FMN2: variants seen among roughly 807,000 people sequenced by gnomAD.
FMN2 encodes the protein formin 2.
FMN2 carries 51 observed loss-of-function variants against 142.3 expected under a neutral mutation model. The observed-to-expected ratio is 0.36, with a 90% CI of 0.29 to 0.45. FMN2 has a LOEUF of 0.45. Ranked by LOEUF, FMN2 falls within the 20% of genes least tolerant of loss-of-function variation. FMN2 has a pLI of 1.00. For missense variants in FMN2, 1,936 were observed against 2,122.8 expected, an observed-to-expected ratio of 0.91 and a Z score of 1.73; for synonymous variants, 882 against 869.8, an observed-to-expected ratio of 1.01 and a Z score of -0.25.
intron 8 of FMN2, among the ~76,000 whole-genome samples, chr1:240,317,099 A>T (rs1323208204): frequency 6.6e-6 from 1 of 152,070 alleles, no homozygotes; most frequent in Non-Finnish European, 1.5e-5. Context: ...GAGGTCTATC[A>T]CAAGGTCAAG....
intron 8 of FMN2, among the ~76,000 whole-genome samples, chr1:240,314,277 G>A (rs1454945619): frequency 1.3e-5 from 2 of 152,048 alleles, no homozygotes; most frequent in Admixed American, 6.5e-5. Context: ...GTTTTGGGAG[G>A]GGAAATATGG....
intron 2 of FMN2, chr1:240,144,370 C>G: frequency 1.2e-6 from 2 of 1,607,208 alleles, no homozygotes; most frequent in Non-Finnish European, 1.7e-6. Flanking sequence ...TGATGTCCAG[C>G]TCCCGAGCTA....
intron 14 of FMN2, among the ~76,000 whole-genome samples, chr1:240,356,143 T>G (rs1672265471): frequency 6.6e-6 from 1 of 151,378 alleles, no homozygotes; most frequent in Admixed American, 6.5e-5. Flanking sequence ...TATTAATGTT[T>G]GTTTGCTTGC....
chr1:240,384,490 G>A (rs1041790795), intron 14 of FMN2, among the ~76,000 whole-genome samples: 10 of 151,652 alleles, frequency 6.6e-5, no homozygotes, highest in Admixed American at 2.0e-4. Context: ...TTGACATCTC[G>A]AACTATGGTG....
chr1:240,109,694 A>G (rs1217603193), intron 1 of FMN2, among the ~76,000 whole-genome samples: 1 of 152,078 alleles, frequency 6.6e-6, no homozygotes. Flanking sequence ...TGACACTAGA[A>G]ATATTGAGAA....
At chr1:240,148,381 GAAAGAC>G (rs761030932) in intron 2 of FMN2, among the ~76,000 whole-genome samples, 40 of 148,630 alleles carry the variant, frequency 2.7e-4, no homozygotes, top group Admixed American at 4.7e-4. Flanking sequence ...GAGAGAGAGA[GAAAGAC>G]AGAGAGAAAG....
Position 240,092,189 on chromosome 1 carries a change from T to G in FMN2, c.80T>G (p.Leu27Arg), listed in dbSNP as rs1461472257. Residue 27 changes from leucine to arginine, a missense_variant, in exon 1 of 18, where the codon CTG becomes CGG. Leu to Arg is a moderately radical substitution (Grantham distance 102, BLOSUM62 -2). Around this residue, in one of 8 missense-constraint regions of FMN2, gnomAD observed 751 missense variants for 791.8 expected, o/e 0.95. Transcript: ENST00000319653. ...GGCGGCGGTGGCGCCGAGGATGCGCTGGGGCCCAGGGATGTGGAAGCCACA... is the reference window on the plus strand; with the variant it reads ...GGCGGCGGTGGCGCCGAGGATGCGCGGGGGCCCAGGGATGTGGAAGCCACA... ...HEGGGGAEDALGPRDVEATKK... is the reference protein window; with the variant it reads ...HEGGGGAEDARGPRDVEATKK... 4.4e-6 allele frequency: 7 copies of G among 1,575,148 alleles called. 1 individual carries two copies. Among genetic ancestry groups the G allele is most frequent in the Non-Finnish European group, 6.0e-6 (7 of 1,163,344 alleles).
Position 240,092,508 on chromosome 1 carries a change from C to T in FMN2, c.399C>T (p.Thr133=), listed in dbSNP as rs375101837. The change falls in exon 1 of 18, where the codon ACC becomes ACT. Residue 133 remains threonine, a synonymous_variant. Transcript: ENST00000319653. ...CGGACGAGGCCGGCCTGTCGGATAC[C>T]GAGTGTGCGGACCCTTTTGAGGTGA... ...LSADEAGLSD[T]ECADPFEVTG... The T allele has an allele frequency of 5.2e-4, 843 of 1,607,722 alleles. 1 individual carries two copies. The highest frequency in any genetic ancestry group is 6.6e-4 in the Non-Finnish European group (778 of 1,177,354).
intron 16 of FMN2, among the ~76,000 whole-genome samples, chr1:240,442,173 C>T (rs1189892003): frequency 6.6e-6 from 1 of 152,152 alleles, no homozygotes; most frequent in Non-Finnish European, 1.5e-5. Flanking sequence ...CCCTTTCTTC[C>T]CAACCCACCA....
chr1:240,204,566 C>T (rs758584527), intron 4 of FMN2, among the ~76,000 whole-genome samples: 25 of 152,200 alleles, frequency 1.6e-4, no homozygotes, highest in Admixed American at 4.6e-4. Context: ...GCCTGGCCAA[C>T]GTGCTGAAAC....
chr1:240,370,098 A>G (rs940243760), intron 14 of FMN2, among the ~76,000 whole-genome samples: 36 of 152,114 alleles, frequency 2.4e-4, no homozygotes, highest in African/African-American at 8.0e-4. Context: ...GGCCTTAAAA[A>G]CTAAAGTTCT....
intron 2 of FMN2, chr1:240,143,532 G>C (rs1358073437): frequency 6.3e-7 from 1 of 1,591,936 alleles, no homozygotes; most frequent in Admixed American, 1.7e-5. Context: ...CAAAGTGTTC[G>C]CTGCAAACGT....
At chr1:240,472,286 G>A in intron 16 of FMN2, 86 bp from the exon 17 acceptor site, 1 of 876,482 alleles carries the variant, frequency 1.1e-6, no homozygotes, top group Non-Finnish European at 1.8e-6. Context: ...AATCTTTATT[G>A]AGTTGAGGTT....
intron 14 of FMN2, among the ~76,000 whole-genome samples, chr1:240,371,477 T>C (rs192690927): frequency 6.6e-6 from 1 of 151,676 alleles, no homozygotes; most frequent in Non-Finnish European, 1.5e-5. Context: ...AATCTTCCAG[T>C]TTTTTTTGAA....
At chr1:240,343,971 G>A (rs1213404020) in intron 13 of FMN2, among the ~76,000 whole-genome samples, 1 of 152,116 alleles carries the variant, frequency 6.6e-6, no homozygotes, top group African/African-American at 2.4e-5. Context: ...AGCATTCTTA[G>A]AACACAGTGA....
chr1:240,111,852 G>A (rs1055930206), intron 1 of FMN2, among the ~76,000 whole-genome samples: 16 of 152,062 alleles, frequency 1.1e-4, no homozygotes, highest in African/African-American at 3.4e-4. Flanking sequence ...TGTTGCTTAA[G>A]CTATGGCTGC....
Position 240,303,208 on chromosome 1 carries a change from G to A in FMN2, c.4215+8325G>A, listed in dbSNP as rs1166945078. Among the ~76,000 whole-genome samples, 4 of 152,164 alleles carry A rather than the reference G, an allele frequency of 2.6e-5. No individual in the cohort carries two copies. The East Asian group carries it at 5.8e-4, about 22-fold the overall frequency. On this transcript the variant is annotated intron_variant, in intron 8 of 17. Transcript: ENST00000319653. ...AGAGAATTTGCTTTGTCTTCGTCAA[G>A]TGAGAGAGACTGATTATAATAGTTA... is the stretch of plus-strand genomic sequence containing the variant.
chr1:240,259,487 C>CTTTTT (rs35655150), intron 7 of FMN2, among the ~76,000 whole-genome samples: 2,116 of 134,224 alleles, frequency 0.016, 66 homozygotes, highest in East Asian at 0.073. Flanking sequence ...ACCCTGTACA[C>CTTTTT]TTTTTTTTTT....
chr1:240,242,467 A>G (rs113674480), intron 6 of FMN2, among the ~76,000 whole-genome samples: 3 of 152,308 alleles, frequency 2.0e-5, no homozygotes, highest in African/African-American at 4.8e-5. Flanking sequence ...GGAGACCGGT[A>G]TCAGGATCAT....
Sources: allele counts gnomAD v4.1 joint callset (sites outside exome capture counted in the v4.1 genomes callset), GRCh38; gene constraint gnomAD v4.1.1; regional missense constraint gnomAD v4.1.1; transcripts MANE v1.5; gene names NCBI Gene and HGNC (gene_info 2026-07-23, HGNC 2026-07-21).